The following MAP3K20 variants were observed in gnomAD, a reference collection of about 807,000 sequenced individuals.
The protein encoded by MAP3K20 is HCCS-4.
MAP3K20 carries 40 observed loss-of-function variants against 85.7 expected under a neutral mutation model. The observed-to-expected ratio is 0.47, with a 90% CI of 0.36 to 0.61. The LOEUF (loss-of-function observed/expected upper bound fraction) is 0.61. MAP3K20 is among the 20% of genes least tolerant of loss of function. The probability of loss-of-function intolerance (pLI) is 0.00; values close to 1 mark genes in which losing one functional copy is unlikely to be tolerated. For missense variants in MAP3K20, 817 were observed against 961.7 expected, an observed-to-expected ratio of 0.85 and a Z score of 1.99; for synonymous variants, 325 against 327.7, an observed-to-expected ratio of 0.99 and a Z score of 0.09.
chr2:173,100,796 G>A (rs1221699307), intron 2 of MAP3K20, among the ~76,000 whole-genome samples: 1 of 152,108 alleles, frequency 6.6e-6, no homozygotes, highest in Non-Finnish European at 1.5e-5. Flanking sequence ...ATTGTGCTAC[G>A]TATATAAATC....
chr2:173,113,480 C>T (rs567119367), intron 2 of MAP3K20, among the ~76,000 whole-genome samples: 26 of 151,946 alleles, frequency 1.7e-4, no homozygotes, highest in Admixed American at 5.9e-4. Flanking sequence ...TGAGGTGTGA[C>T]CTTAGAATGT....
At chr2:173,089,038 AT>A (rs1687218975) in intron 1 of MAP3K20, among the ~76,000 whole-genome samples, 1 of 152,092 alleles carries the variant, frequency 6.6e-6, no homozygotes, top group East Asian at 1.9e-4. Flanking sequence ...CAGTGACCTG[AT>A]TTTCCTGAAA....
intron 16 of MAP3K20, among the ~76,000 whole-genome samples, chr2:173,256,040 C>A (rs1177673722): frequency 6.6e-6 from 1 of 152,212 alleles, no homozygotes; most frequent in African/African-American, 2.4e-5. Context: ...TTGAACGGAC[C>A]TTTTCCTTCA....
chr2:173,081,967 C>A (rs1458434395), intron 1 of MAP3K20, among the ~76,000 whole-genome samples: 1 of 152,100 alleles, frequency 6.6e-6, no homozygotes, highest in Non-Finnish European at 1.5e-5. Context: ...GGGTCACTCA[C>A]TACTAAAGAG....
chr2:173,259,894 T>C (rs1685248343), intron 17 of MAP3K20, among the ~76,000 whole-genome samples: 1 of 152,232 alleles, frequency 6.6e-6, no homozygotes, highest in Admixed American at 6.5e-5. Context: ...CACGGAGTTG[T>C]AAAACTGAAT....
intron 7 of MAP3K20, 34 bp from the exon 8 acceptor site, chr2:173,197,992 C>T (rs768139026): frequency 1.9e-6 from 3 of 1,589,800 alleles, no homozygotes; most frequent in South Asian, 2.3e-5. Context: ...ATATAAAGTA[C>T]AAAAATAAAA....
intron 2 of MAP3K20, among the ~76,000 whole-genome samples, chr2:173,159,564 AT>A (rs562554105): frequency 6.6e-6 from 1 of 151,852 alleles, no homozygotes; most frequent in South Asian, 2.1e-4. Context: ...TAATTTCTGC[AT>A]TTTTTGTAGA....
At position 173,223,722 on chromosome 2, in the gene MAP3K20, C is replaced by T. The variant is rs969812931; in HGVS notation, c.988-5967C>T. On this transcript the variant is annotated intron_variant, in intron 11 of 19. Transcript: ENST00000375213. ...AATCTCTCCCTAAAAGATGGATTCC[C>T]CCACATACCCATGCTACTAGTTTCT... 8 of 985,312 alleles carry T rather than the reference C, an allele frequency of 8.1e-6. No individual in the cohort carries two copies. In the African/African-American group the frequency reaches 1.4e-4, roughly 17 times the overall value. The allele number at this position is 985,312 out of a possible 1,614,324, so 61.0% of individuals were successfully genotyped here.
intron 2 of MAP3K20, among the ~76,000 whole-genome samples, chr2:173,119,191 T>C (rs1168115859): frequency 1.3e-5 from 2 of 152,122 alleles, no homozygotes; most frequent in African/African-American, 4.8e-5. Flanking sequence ...AATTAGCCCT[T>C]ATTGGAGAAG....
chr2:173,261,548 TAC>T (rs1237100014), intron 18 of MAP3K20, among the ~76,000 whole-genome samples: 1 of 152,200 alleles, frequency 6.6e-6, no homozygotes, highest in African/African-American at 2.4e-5. Flanking sequence ...ACAGTTATAG[TAC>T]AGTCTTGGCA....
intron 12 of MAP3K20, 38 bp from the exon 13 acceptor site, chr2:173,232,154 G>A (rs1215703896): frequency 3.7e-6 from 6 of 1,613,864 alleles, no homozygotes; most frequent in Non-Finnish European, 4.2e-6. Context: ...CTGACCATGT[G>A]TGAATCTTCA....
chr2:173,086,741 T>A (rs1207333465), intron 1 of MAP3K20, among the ~76,000 whole-genome samples: 1 of 152,248 alleles, frequency 6.6e-6, no homozygotes, highest in African/African-American at 2.4e-5. Context: ...TGACTGATCC[T>A]GTCTCAGTTC....
rs2106358922 is a variant in MAP3K20, at chr2:173,263,826, G to A, written c.1633G>A (p.Ala545Thr). 2.5e-6 allele frequency: 4 copies of A among 1,613,604 alleles called. No individual in the cohort carries two copies. Among genetic ancestry groups the A allele is most frequent in the East Asian group, 2.2e-5 (1 of 44,852 alleles). Residue 545 changes from alanine to threonine, a missense_variant, in exon 19 of 20, where the codon GCA becomes ACA. Ala to Thr is a moderately conservative substitution (Grantham distance 58, BLOSUM62 0). Around this residue, in one of 4 missense-constraint regions of MAP3K20, gnomAD observed 454 missense variants for 476.9 expected, o/e 0.95. Transcript: ENST00000375213. ...SRTKPQDEVK[A>T]VQLAIQTLFT... ...AACAAAACCTCAGGATGAAGTGAAAGCAGTCCAACTTGCCATTCAGACATT... is the reference window on the plus strand; with the variant it reads ...AACAAAACCTCAGGATGAAGTGAAAACAGTCCAACTTGCCATTCAGACATT...
chr2:173,223,792 T>C (rs938740499), intron 11 of MAP3K20: 2 of 985,352 alleles, frequency 2.0e-6, no homozygotes, highest in African/African-American at 3.5e-5. Context: ...ACAGCCTGTC[T>C]GTGCTCAGAC....
Position 173,075,918 on chromosome 2 carries a change from C to G in MAP3K20, c.-119C>G, listed in dbSNP as rs1050532604. On this transcript the variant is annotated 5_prime_UTR_variant, in exon 1 of 20. Coordinates refer to ENST00000375213, the MANE Select transcript of MAP3K20 (RefSeq NM_016653.3). ...GCGGAAACGTGGGAGCCGCGCGGGC[C>G]GCTGTCGTCCCAACCCCCGCCGCCC... 301 of 984,336 alleles carry G rather than the reference C, an allele frequency of 3.1e-4. 1 individual carries two copies. Among genetic ancestry groups the G allele is most frequent in the Non-Finnish European group, 4.3e-5 (36 of 829,122 alleles). The allele number at this position is 984,336 out of a possible 1,614,324, so 61.0% of individuals were successfully genotyped here.
intron 2 of MAP3K20, among the ~76,000 whole-genome samples, chr2:173,147,947 G>A (rs1689184421): frequency 6.6e-6 from 1 of 152,076 alleles, no homozygotes; most frequent in South Asian, 2.1e-4. Context: ...GCCCCAAAAA[G>A]GATTTTTAAA....
At chr2:173,167,207 G>A (rs1184352620) in intron 2 of MAP3K20, among the ~76,000 whole-genome samples, 5 of 151,738 alleles carry the variant, frequency 3.3e-5, no homozygotes, top group African/African-American at 9.7e-5. Flanking sequence ...GAGCCACTGC[G>A]CCCGGCCAAC....
chr2:173,111,647 G>C (rs180915622), intron 2 of MAP3K20, among the ~76,000 whole-genome samples: 1 of 152,158 alleles, frequency 6.6e-6, no homozygotes, highest in Non-Finnish European at 1.5e-5. Flanking sequence ...CATGTGGCTA[G>C]CCAATTATCC....
At chr2:173,091,316 C>T (rs927785285) in intron 2 of MAP3K20, 126 bp downstream of exon 2, 4 of 902,648 alleles carry the variant, frequency 4.4e-6, no homozygotes, top group Non-Finnish European at 6.3e-6. Flanking sequence ...TCCACGAGGC[C>T]GTTTCCCAAT....
Sources: gnomAD v4.1 joint callset for allele counts (sites outside exome capture counted in the v4.1 genomes callset) on GRCh38, gnomAD v4.1.1 for gene constraint, gnomAD v4.1.1 regional missense constraint, MANE v1.5 for transcripts, NCBI Gene and HGNC (gene_info 2026-07-23, HGNC 2026-07-21) for gene names.